Variants in DPP10 observed in about 807,000 individuals in gnomAD.
DPP10 encodes inactive dipeptidyl peptidase 10.
DPP10 carries 33 observed loss-of-function variants against 120.9 expected under a neutral mutation model. The observed-to-expected ratio is 0.27, with a 90% CI of 0.21 to 0.37. The LOEUF is 0.37. Among genes scored for constraint, DPP10 ranks in the 10% least tolerant of loss-of-function variants. The pLI is 1.00. For missense variants in DPP10, 816 were observed against 942.8 expected (o/e 0.87, Z 1.76); for synonymous variants, 337 against 326.1 (o/e 1.03, Z -0.36).
At chr2:115,520,345 A>C (rs1166224037) in intron 4 of DPP10, among the ~76,000 whole-genome samples, 1 of 151,988 alleles carries the variant, frequency 6.6e-6, no homozygotes, top group East Asian at 1.9e-4. Context: ...AACATAAAGG[A>C]TATGTGTGTG....
At chr2:115,649,863 T>C (rs751689062) in intron 5 of DPP10, among the ~76,000 whole-genome samples, 3 of 152,124 alleles carry the variant, frequency 2.0e-5, no homozygotes, top group Non-Finnish European at 4.4e-5. Flanking sequence ...CCACCAGACA[T>C]TCTCTCTACA....
intron 5 of DPP10, among the ~76,000 whole-genome samples, chr2:115,556,036 C>T (rs2080189340): frequency 6.6e-6 from 1 of 151,900 alleles, no homozygotes; most frequent in African/African-American, 2.4e-5. Context: ...TTTGAGGGTC[C>T]CCAGAGTCTA....
chr2:115,654,088 C>T (rs927649258), intron 5 of DPP10, among the ~76,000 whole-genome samples: 5 of 151,812 alleles, frequency 3.3e-5, no homozygotes, highest in African/African-American at 1.2e-4. Flanking sequence ...GAAATATTTA[C>T]ACATCAGTCT....
At chr2:115,422,797 G>A (rs758982143) in intron 3 of DPP10, among the ~76,000 whole-genome samples, 11 of 152,122 alleles carry the variant, frequency 7.2e-5, no homozygotes, top group Non-Finnish European at 1.0e-4. Flanking sequence ...GAGTTTCTCA[G>A]TGTTTTGAGG....
At chr2:114,517,978 GTCTTCCTC>G (rs1684741306) in intron 1 of DPP10, among the ~76,000 whole-genome samples, 1 of 150,840 alleles carries the variant, frequency 6.6e-6, no homozygotes, top group Non-Finnish European at 1.5e-5. Context: ...CATTTGTAGA[GTCTTCCTC>G]AACATATTGT....
At chr2:115,381,226 A>G (rs188855474) in intron 3 of DPP10, among the ~76,000 whole-genome samples, 5 of 152,096 alleles carry the variant, frequency 3.3e-5, no homozygotes, top group Non-Finnish European at 5.9e-5. Context: ...CCTTAGTCCC[A>G]TATTTCTTGG....
At chr2:115,375,384 A>C (rs998133917) in intron 3 of DPP10, among the ~76,000 whole-genome samples, 2 of 152,190 alleles carry the variant, frequency 1.3e-5, no homozygotes, top group Non-Finnish European at 2.9e-5. Context: ...TCCACCTGAG[A>C]TGACCTCAGC....
chr2:115,367,088 A>T (rs2106379141), intron 3 of DPP10, among the ~76,000 whole-genome samples: 1 of 152,224 alleles, frequency 6.6e-6, no homozygotes, highest in Middle Eastern at 3.4e-3. Flanking sequence ...AGGGTTGGAA[A>T]GTAAAGGTCA....
At chr2:114,875,003 T>C (rs1314134224) in intron 1 of DPP10, among the ~76,000 whole-genome samples, 1 of 152,124 alleles carries the variant, frequency 6.6e-6, no homozygotes, top group Non-Finnish European at 1.5e-5. Context: ...GAAACAACAA[T>C]GGCAACCAAA....
chr2:115,653,505 AT>A (rs2087991500), intron 5 of DPP10, among the ~76,000 whole-genome samples: 1 of 151,976 alleles, frequency 6.6e-6, no homozygotes, highest in Non-Finnish European at 1.5e-5. Flanking sequence ...TTTGTACTTT[AT>A]TTAATGCTCC....
intron 2 of DPP10, among the ~76,000 whole-genome samples, chr2:115,342,771 A>G (rs1351796229): frequency 1.3e-5 from 2 of 152,136 alleles, no homozygotes; most frequent in African/African-American, 4.8e-5. Flanking sequence ...TAATCAAACA[A>G]TACTCACTAT....
intron 1 of DPP10, among the ~76,000 whole-genome samples, chr2:114,464,795 G>A (rs750171945): frequency 1.3e-5 from 2 of 152,096 alleles, no homozygotes; most frequent in Admixed American, 6.6e-5. Flanking sequence ...AACCCAGGAG[G>A]CAGAGATTGA....
intron 10 of DPP10, among the ~76,000 whole-genome samples, chr2:115,746,625 AT>A (rs1194752638): frequency 1.3e-5 from 2 of 151,752 alleles, no homozygotes; most frequent in South Asian, 2.1e-4. Context: ...ACATTTAAGA[AT>A]TTTTTTTTCA....
chr2:114,683,809 C>T (rs1278845984), intron 1 of DPP10, among the ~76,000 whole-genome samples: 2 of 151,834 alleles, frequency 1.3e-5, no homozygotes, highest in African/African-American at 4.8e-5. Context: ...TCAGGGACAT[C>T]AGCCCATTCA....
At chr2:114,688,061 T>C (rs888373249) in intron 1 of DPP10, among the ~76,000 whole-genome samples, 8 of 152,018 alleles carry the variant, frequency 5.3e-5, no homozygotes, top group African/African-American at 1.9e-4. Flanking sequence ...TGTTCCTATG[T>C]GTGAGTCATG....
At chr2:115,262,546 A>G (rs2059297875) in intron 1 of DPP10, among the ~76,000 whole-genome samples, 1 of 152,180 alleles carries the variant, frequency 6.6e-6, no homozygotes, top group African/African-American at 2.4e-5. Context: ...ACATATTAAT[A>G]TAACATTTTT....
intron 5 of DPP10, among the ~76,000 whole-genome samples, chr2:115,574,818 C>A (rs1045656741): frequency 3.9e-5 from 6 of 152,200 alleles, no homozygotes; most frequent in African/African-American, 1.4e-4. Context: ...GGCCCTCTCA[C>A]ATTGTCCCCT....
chr2:115,726,729 A>C (rs920679901), intron 7 of DPP10, among the ~76,000 whole-genome samples: 1 of 152,200 alleles, frequency 6.6e-6, no homozygotes, highest in Non-Finnish European at 1.5e-5. Flanking sequence ...AATATCCATG[A>C]AATGTTCTAG....
chr2:114,794,106 A>G (rs929387364), intron 1 of DPP10, among the ~76,000 whole-genome samples: 2 of 152,052 alleles, frequency 1.3e-5, no homozygotes, highest in Admixed American at 1.3e-4. Flanking sequence ...AGTTCATATT[A>G]TGTTTTACTT....
Sources: allele counts gnomAD v4.1 joint callset (sites outside exome capture counted in the v4.1 genomes callset), GRCh38; gene constraint gnomAD v4.1.1; transcripts MANE v1.5; gene names NCBI Gene and HGNC (gene_info 2026-07-23, HGNC 2026-07-21).